The following FRMD4A variants were observed in gnomAD, a reference collection of about 807,000 sequenced individuals.
FRMD4A encodes the protein FERM domain-containing protein 4A.
A neutral mutation model predicts 129.1 loss-of-function variants in FRMD4A; 29 were observed. The ratio of observed to expected loss-of-function variants is 0.22; its 90% CI spans 0.17 to 0.31. The LOEUF (loss-of-function observed/expected upper bound fraction) is 0.31. Ranked by LOEUF, FRMD4A falls within the 10% of genes least tolerant of loss-of-function variation. The pLI is 1.00. For missense variants in FRMD4A, 1,272 were observed against 1,375.8 expected (o/e 0.92, Z 1.19); for synonymous variants, 634 against 571.6 (o/e 1.11, Z -1.56).
chr10:14,255,605 T>C (rs1328367436), intron 2 of FRMD4A, among the ~76,000 whole-genome samples: 1 of 152,148 alleles, frequency 6.6e-6, no homozygotes, highest in Non-Finnish European at 1.5e-5. Context: ...AATTAAGCTA[T>C]GGCGGAAGAC....
intron 2 of FRMD4A, among the ~76,000 whole-genome samples, chr10:13,996,571 A>G (rs4748076): frequency 0.29 from 43,661 of 152,134 alleles, 7,436 homozygotes; most frequent in East Asian, 0.73. Flanking sequence ...CAGGGGTACC[A>G]TCTTACTTAA....
intron 2 of FRMD4A, among the ~76,000 whole-genome samples, chr10:13,935,968 T>C (rs2095246077): frequency 6.6e-6 from 1 of 152,216 alleles, no homozygotes; most frequent in Non-Finnish European, 1.5e-5. Context: ...TCAGCTGCCA[T>C]GGTAGATTTG....
rs1315489754 is a variant in FRMD4A at position 14,249,114 on chromosome 10, G to T, written c.45+80944C>A. On this transcript the variant is annotated intron_variant, in intron 2 of 24. Coordinates refer to ENST00000357447, the MANE Select transcript of FRMD4A (RefSeq NM_018027.5). The stretch of plus-strand genomic sequence containing the variant: ...GCCTGTAATCCCAGCACTTTGGGAG[G>T]CTGAGGCGGCTGGATCACCTGAGGT... Among the ~76,000 whole-genome samples the T allele has an allele frequency of 2.0e-5, 3 of 152,156 alleles. No homozygotes were observed. In the East Asian group the frequency reaches 5.8e-4, roughly 29 times the overall value.
chr10:14,163,959 C>A (rs530226976), intron 2 of FRMD4A, among the ~76,000 whole-genome samples: 10 of 152,264 alleles, frequency 6.6e-5, no homozygotes, highest in Non-Finnish European at 1.0e-4. Context: ...TCCACCAGCC[C>A]CGAGGCGTGG....
At chr10:14,002,370 T>C (rs2095645707) in intron 2 of FRMD4A, among the ~76,000 whole-genome samples, 1 of 152,200 alleles carries the variant, frequency 6.6e-6, no homozygotes, top group Non-Finnish European at 1.5e-5. Flanking sequence ...TCCGAATAAA[T>C]AAGAAAAGAG....
intron 2 of FRMD4A, among the ~76,000 whole-genome samples, chr10:13,865,934 A>G (rs1357551616): frequency 6.6e-6 from 1 of 152,144 alleles, no homozygotes; most frequent in Non-Finnish European, 1.5e-5. Context: ...ACGGTGAGGG[A>G]GGAGAGCTGT....
At chr10:14,188,194 C>G (rs1842206580) in intron 2 of FRMD4A, among the ~76,000 whole-genome samples, 1 of 152,100 alleles carries the variant, frequency 6.6e-6, no homozygotes, top group South Asian at 2.1e-4. Flanking sequence ...TGCCTGGAAT[C>G]AAATAAAAAA....
intron 3 of FRMD4A, 66 bp downstream of exon 3, chr10:13,858,781 T>C (rs1222600420): frequency 1.1e-6 from 1 of 891,384 alleles, no homozygotes; most frequent in Non-Finnish European, 1.9e-6. Flanking sequence ...CATCCCCAGC[T>C]GGATCAAGGT....
intron 2 of FRMD4A, among the ~76,000 whole-genome samples, chr10:14,299,224 T>A (rs748283066): frequency 1.2e-4 from 18 of 152,134 alleles, no homozygotes; most frequent in Non-Finnish European, 2.6e-4. Flanking sequence ...AAAGTGTCCA[T>A]AAAAAAGAAC....
intron 24 of FRMD4A, chr10:13,651,596 C>G (rs1377091165): frequency 7.0e-6 from 2 of 286,910 alleles, no homozygotes; most frequent in South Asian, 5.2e-5. Flanking sequence ...TCGCTTGAAC[C>G]TGGGAGGCAG....
chr10:13,830,273 C>T (rs2093769288), intron 3 of FRMD4A, among the ~76,000 whole-genome samples: 2 of 152,236 alleles, frequency 1.3e-5, no homozygotes, highest in Non-Finnish European at 2.9e-5. Context: ...GGGTCACTAC[C>T]ATCCAGGTCA....
At chr10:14,319,561 G>A (rs571803170) in intron 2 of FRMD4A, among the ~76,000 whole-genome samples, 7 of 152,064 alleles carry the variant, frequency 4.6e-5, no homozygotes, top group Non-Finnish European at 1.0e-4. Flanking sequence ...GGGGCCATGC[G>A]GCACATTCAA....
chr10:13,811,907 G>A (rs1203585248), intron 3 of FRMD4A, among the ~76,000 whole-genome samples: 1 of 129,682 alleles, frequency 7.7e-6, no homozygotes, highest in African/African-American at 2.9e-5. Flanking sequence ...TTTTTGAGAT[G>A]GAGTCTCGCT....
At chr10:14,211,024 G>A (rs564468786) in intron 2 of FRMD4A, among the ~76,000 whole-genome samples, 84 of 152,272 alleles carry the variant, frequency 5.5e-4, no homozygotes, top group African/African-American at 2.0e-3. Flanking sequence ...ACCGTGCTCA[G>A]CCAGATATTC....
chr10:13,915,142 T>G (rs955859718), intron 2 of FRMD4A, among the ~76,000 whole-genome samples: 8 of 152,240 alleles, frequency 5.3e-5, no homozygotes, highest in Non-Finnish European at 1.0e-4. Flanking sequence ...GGCTACATTT[T>G]AAGACAGATG....
chr10:13,861,929 A>G (rs1439233775), intron 2 of FRMD4A, among the ~76,000 whole-genome samples: 1 of 152,250 alleles, frequency 6.6e-6, no homozygotes, highest in African/African-American at 2.4e-5. Flanking sequence ...TACACTAGAA[A>G]TGTTAATTTC....
intron 2 of FRMD4A, among the ~76,000 whole-genome samples, chr10:13,940,444 T>C (rs2095282522): frequency 6.6e-6 from 1 of 152,182 alleles, no homozygotes; most frequent in Admixed American, 6.5e-5. Flanking sequence ...GATTTCATAC[T>C]CAAAAGACAG....
intron 2 of FRMD4A, among the ~76,000 whole-genome samples, chr10:13,963,864 A>G (rs1042286832): frequency 3.3e-5 from 5 of 152,198 alleles, no homozygotes; most frequent in Non-Finnish European, 7.3e-5. Flanking sequence ...TTAGAGCATT[A>G]GGTTAGGACT....
intron 2 of FRMD4A, among the ~76,000 whole-genome samples, chr10:13,943,702 A>T (rs1430988814): frequency 6.6e-6 from 1 of 151,566 alleles, no homozygotes; most frequent in Non-Finnish European, 1.5e-5. Context: ...AAAGAAAGAA[A>T]GAAAGAAAAG....
Sources: allele counts gnomAD v4.1 joint callset (sites outside exome capture counted in the v4.1 genomes callset), GRCh38; gene constraint gnomAD v4.1.1; transcripts MANE v1.5; gene names NCBI Gene and HGNC (gene_info 2026-07-23, HGNC 2026-07-21).